Variants in KNDC1 observed in about 807,000 individuals in gnomAD.
The protein encoded by KNDC1 is kinase non-catalytic C-lobe domain-containing protein 1.
A neutral mutation model predicts 172.8 loss-of-function variants in KNDC1; 106 were observed. The observed-to-expected ratio is 0.61, with a 90% CI of 0.52 to 0.72. The LOEUF (loss-of-function observed/expected upper bound fraction) is 0.72. Among genes scored for constraint, KNDC1 ranks in the 30% least tolerant of loss-of-function variants. The probability of loss-of-function intolerance (pLI) is 0.00; values close to 1 mark genes in which losing one functional copy is unlikely to be tolerated. For synonymous variants in KNDC1, 1,083 were observed against 1,062.2 expected, an observed-to-expected ratio of 1.02 and a Z score of -0.38; for missense variants, 2,325 against 2,394.5, an observed-to-expected ratio of 0.97 and a Z score of 0.61.
rs866942980 is a variant in KNDC1 at position 133,188,605 on chromosome 10, C to A, written c.1393C>A (p.Leu465Met). Residue 465 changes from leucine (L) to methionine (M), a missense_variant, in exon 7 of 30, where the codon CTG becomes ATG. Coordinates refer to ENST00000304613, the MANE Select transcript of KNDC1 (RefSeq NM_152643.8). ...RPFREYELWA[L>M]CLACLRALQT... ...CTTCCGGGAGTACGAGCTGTGGGCC[C>A]TGTGCCTGGCCTGCCTCCGCGCACT... is the stretch of plus-strand genomic sequence containing the variant. The A allele has an allele frequency of 6.3e-7, 1 of 1,598,026 alleles. No homozygotes were observed. The highest frequency in any genetic ancestry group is 2.3e-5 in the East Asian group (1 of 44,348).
chr10:133,167,631 C>T (rs766638241), intron 2 of KNDC1, 52 bp downstream of exon 2: 1 of 1,520,756 alleles, frequency 6.6e-7, no homozygotes. Context: ...GGTGGAGGTG[C>T]CTTTCAGGGG....
rs760836873 is a variant in KNDC1 at position 133,210,678 on chromosome 10, G to A, written c.3862G>A (p.Asp1288Asn). The part of the protein sequence containing the change: ...YTFRYFCTPH[D>N]FLHFLLDRIN... ...CTTCCGCTACTTCTGCACACCCCAC[G>A]ACTTCCTGCACTTCCTCCTCGACCG... Residue 1288 changes from aspartate to asparagine, a missense_variant, in exon 21 of 30, where the codon GAC becomes AAC. Asp to Asn is a conservative substitution (Grantham distance 23). Coordinates refer to ENST00000304613, the MANE Select transcript of KNDC1 (RefSeq NM_152643.8). 5.6e-6 allele frequency: 9 copies of A among 1,613,850 alleles called. No individual in the cohort carries two copies. Among genetic ancestry groups the A allele is most frequent in the East Asian group, 2.2e-5 (1 of 44,894 alleles).
In KNDC1 at chr10:133,219,936, G is replaced by T. The variant is rs375926290; in HGVS notation, c.4861-19G>T. ...CACGCCCTGTCTCTCCCCGGCCCAC[G>T]CCCCGGCTGGACCACCAGGTCTTCC... is the stretch of plus-strand genomic sequence containing the variant. On this transcript the variant is annotated intron_variant, in intron 28 of 29. Coordinates refer to ENST00000304613, the MANE Select transcript of KNDC1 (RefSeq NM_152643.8). 1.3e-6 allele frequency: 2 copies of T among 1,545,294 alleles called. No homozygotes were observed. The highest frequency in any genetic ancestry group is 1.7e-6 in the Non-Finnish European group (2 of 1,143,610).
intron 1 of KNDC1, among the ~76,000 whole-genome samples, chr10:133,162,360 C>T (rs1202494354): frequency 6.6e-6 from 1 of 152,184 alleles, no homozygotes; most frequent in East Asian, 1.9e-4. Flanking sequence ...GAGGTTGCAT[C>T]ATCATCCCAG....
rs754311035 is a variant in KNDC1, at chr10:133,206,973, C to T, written c.3579+20C>T. On this transcript the variant is annotated intron_variant, in intron 19 of 29. Transcript: ENST00000304613. The stretch of plus-strand genomic sequence containing the variant: ...CTGCAGGCAAGTGGGCTCCGGGCCC[C>T]GCTCTGCCCCGTGAGGCAGTAGCTT... 3.7e-5 allele frequency: 59 copies of T among 1,606,080 alleles called. No individual in the cohort carries two copies. Among genetic ancestry groups the T allele is most frequent in the African/African-American group, 6.7e-5 (5 of 74,798 alleles).
chr10:133,184,162 G>GCACACACACCTATGCA (rs57454724), intron 5 of KNDC1, among the ~76,000 whole-genome samples, 173 bp downstream of exon 5: 3 of 128,620 alleles, frequency 2.3e-5, no homozygotes, highest in Non-Finnish European at 4.8e-5. Flanking sequence ...CACACACACT[G>GCACACACACCTATGCA]CACACACACC....
In KNDC1 at chr10:133,198,706, T is replaced by G; in HGVS notation, c.2198T>G (p.Val733Gly). The G allele has an allele frequency of 6.3e-7, 1 of 1,578,016 alleles. No individual in the cohort carries two copies. Among genetic ancestry groups the G allele is most frequent in the African/African-American group, 1.3e-5 (1 of 74,486 alleles). The change falls in exon 14 of 30, where the codon GTG (valine) becomes GGG (glycine). Residue 733 changes from valine (V) to glycine (G), a missense_variant. Coordinates refer to ENST00000304613, the MANE Select transcript of KNDC1 (RefSeq NM_152643.8). The stretch of plus-strand genomic sequence containing the variant: ...AGCCTGAAGACGCCTGACGGGCCGG[T>G]GCCTGGTCCGGGGCCACAGGGAGCA... ...SPSLKTPDGPVPGPGPQGAAP... is the reference protein window; with the variant it reads ...SPSLKTPDGPGPGPGPQGAAP...
intron 1 of KNDC1, 59 bp downstream of exon 1, chr10:133,160,628 C>A (rs1852934725): frequency 7.8e-7 from 1 of 1,274,134 alleles, no homozygotes; most frequent in Non-Finnish European, 1.1e-6. Flanking sequence ...GCGGAGAGCG[C>A]CCGGGGGGAG....
chr10:133,197,028 C>CGGG, intron 10 of KNDC1, 30 bp from the exon 11 acceptor site: 1 of 1,582,490 alleles, frequency 6.3e-7, no homozygotes, highest in Non-Finnish European at 8.7e-7. Flanking sequence ...TGAGGCCTGT[C>CGGG]GGGACGTGTG....
chr10:133,208,274 C>T (rs1295933866), intron 20 of KNDC1, among the ~76,000 whole-genome samples: 4 of 120,202 alleles, frequency 3.3e-5, no homozygotes, highest in Admixed American at 8.1e-5. Context: ...CCCCCAACCC[C>T]GTTACCCCAA....
intron 1 of KNDC1, 61 bp downstream of exon 1, chr10:133,160,630 C>T: frequency 4.1e-6 from 5 of 1,233,676 alleles, no homozygotes; most frequent in Non-Finnish European, 2.2e-6. Flanking sequence ...GGAGAGCGCC[C>T]GGGGGGAGGA....
Position 133,180,645 on chromosome 10 carries a change from A to G in KNDC1, c.361-2699A>G, listed in dbSNP as rs531082236. Among the ~76,000 whole-genome samples, 8 of 152,358 alleles carry G rather than the reference A, an allele frequency of 5.3e-5. No individual in the cohort carries two copies. In the South Asian group the frequency reaches 1.7e-3, roughly 32 times the overall value. The stretch of plus-strand genomic sequence containing the variant: ...AACAGGTCAGATTCCACACATGGGC[A>G]CTTAGAGCTCTTGGATGTGAGAAGA... On this transcript the variant is annotated intron_variant, in intron 3 of 29. Coordinates refer to ENST00000304613, the MANE Select transcript of KNDC1 (RefSeq NM_152643.8).
rs11101640 is a variant in KNDC1, at chr10:133,209,632, G to C, written c.3795-979G>C. The stretch of plus-strand genomic sequence containing the variant: ...TTTGTGGCTTGCATGGCGTGAGTGT[G>C]AGTGCTGTGCTTCCATGGAAGGAGC... On this transcript the variant is annotated intron_variant, in intron 20 of 29. Coordinates refer to ENST00000304613, the MANE Select transcript of KNDC1 (RefSeq NM_152643.8). The surrounding 1 kb of genome is among the most constrained non-coding windows in gnomAD (Gnocchi z 4.9). 6.6e-6 allele frequency among the ~76,000 whole-genome samples: 1 copy of C among 152,050 alleles called. No individual in the cohort carries two copies. The highest frequency in any genetic ancestry group is 1.5e-5 in the Non-Finnish European group (1 of 67,982).
intron 20 of KNDC1, 152 bp downstream of exon 20, chr10:133,207,503 G>A (rs901924407): frequency 1.3e-6 from 1 of 748,070 alleles, no homozygotes; most frequent in African/African-American, 1.8e-5. Context: ...ATGTGCACTA[G>A]GTGCCACCGG....
chr10:133,189,708 G>A (rs915760970), intron 8 of KNDC1, 39 bp downstream of exon 8: 11 of 1,613,782 alleles, frequency 6.8e-6, no homozygotes, highest in East Asian at 6.7e-5. Flanking sequence ...GTCCAGCACC[G>A]GCTCGCCAGG....
In KNDC1 at chr10:133,214,091, C is replaced by G; in HGVS notation, c.4646C>G (p.Ala1549Gly). 6.2e-6 allele frequency: 10 copies of G among 1,614,138 alleles called. No homozygotes were observed. The highest frequency in any genetic ancestry group is 8.5e-6 in the Non-Finnish European group (10 of 1,180,002). ...RNADDVSTWV[A>G]AEIVTSHTSK... Reference sequence around the variant, plus strand: ...GCAGATGACGTCAGCACCTGGGTGGCTGCAGAGATTGTGACCAGCCACACC... The same window carrying G: ...GCAGATGACGTCAGCACCTGGGTGGGTGCAGAGATTGTGACCAGCCACACC... Residue 1549 changes from alanine (A) to glycine (G), a missense_variant, in exon 26 of 30, where the codon GCT becomes GGT. By Grantham distance (60) the Ala-to-Gly change is moderately conservative. Transcript: ENST00000304613.
At chr10:133,206,658 G>A in intron 17 of KNDC1, 27 bp from the exon 18 acceptor site, 1 of 1,604,122 alleles carries the variant, frequency 6.2e-7, no homozygotes, top group South Asian at 1.1e-5. Flanking sequence ...GGCTGCCTGG[G>A]GCTTAGGCGC....
chr10:133,201,378 G>C (rs746219540), intron 16 of KNDC1, 123 bp from the exon 17 acceptor site: 475 of 1,097,064 alleles, frequency 4.3e-4, no homozygotes, highest in Non-Finnish European at 6.1e-4. Flanking sequence ...GGCGCCCGTG[G>C]TGGGCGGGTG....
chr10:133,183,460 G>A lies in KNDC1; in HGVS notation c.477G>A (p.Ala159=), dbSNP rs761257041. 1.3e-5 allele frequency: 21 copies of A among 1,605,368 alleles called. No individual in the cohort carries two copies. Among genetic ancestry groups the A allele is most frequent in the South Asian group, 1.1e-4 (10 of 89,596 alleles). Reference sequence around the variant, plus strand: ...AGGCGCTGCTGAGCCGGATGCAGGCGGAGGACCCCGGGGACCGGCCGGACC... The same window carrying A: ...AGGCGCTGCTGAGCCGGATGCAGGCAGAGGACCCCGGGGACCGGCCGGACC... ...DLEALLSRMQ[A]EDPGDRPDLE... is the part of the protein sequence containing the mutation. Residue 159 remains alanine (A), a synonymous_variant, in exon 4 of 30, where the codon GCG becomes GCA. Coordinates refer to ENST00000304613, the MANE Select transcript of KNDC1 (RefSeq NM_152643.8).
Sources: allele counts gnomAD v4.1 joint callset (sites outside exome capture counted in the v4.1 genomes callset), GRCh38; gene constraint gnomAD v4.1.1; non-coding constraint Gnocchi (gnomAD v3.1); transcripts MANE v1.5; gene names NCBI Gene and HGNC (gene_info 2026-07-23, HGNC 2026-07-21).